Variants in TOP6BL observed in about 807,000 individuals in gnomAD.
TOP6BL encodes the protein type 2 DNA topoisomerase 6 subunit B-like.
At chr11:66,793,400 G>GTTAATTT in the TOP6BL span, among the ~76,000 whole-genome samples, 1 of 111,850 alleles carries the variant, frequency 8.9e-6, no homozygotes, top group African/African-American at 3.3e-5. Context: ...GCCCATTTTT[G>GTTAATTT]TTAATTTTTT....
the TOP6BL span, among the ~76,000 whole-genome samples, chr11:66,752,396 T>A: frequency 1.3e-5 from 2 of 152,202 alleles, no homozygotes; most frequent in African/African-American, 4.8e-5. Context: ...CTAAAAATCT[T>A]TCTGATTACT....
the TOP6BL span, among the ~76,000 whole-genome samples, chr11:66,814,660 G>A: frequency 2.0e-5 from 3 of 152,080 alleles, no homozygotes; most frequent in Non-Finnish European, 4.4e-5. Flanking sequence ...GATTTCTAAT[G>A]TACCTAATCT....
the TOP6BL span, among the ~76,000 whole-genome samples, chr11:66,774,790 C>T: frequency 2.0e-5 from 3 of 148,964 alleles, no homozygotes; most frequent in Non-Finnish European, 4.5e-5. Context: ...GTTTTTAAAA[C>T]CTTTACTCTT....
chr11:66,775,809 A>G, the TOP6BL span, among the ~76,000 whole-genome samples: 74 of 152,238 alleles, frequency 4.9e-4, 1 homozygote, highest in African/African-American at 1.8e-3. Flanking sequence ...TGGCATTCCT[A>G]TTTAGATCTT....
chr11:66,748,588 T>C, the TOP6BL span: 3 of 1,183,826 alleles, frequency 2.5e-6, no homozygotes, highest in Non-Finnish European at 3.5e-6. Flanking sequence ...TTTAAAAATT[T>C]CAATTAGAAT....
the TOP6BL span, among the ~76,000 whole-genome samples, chr11:66,812,468 G>A: frequency 6.6e-6 from 1 of 152,084 alleles, no homozygotes; most frequent in African/African-American, 2.4e-5. Flanking sequence ...GAGCCACCGC[G>A]CCTGGCCCTG....
chr11:66,820,462 A>C, the TOP6BL span, among the ~76,000 whole-genome samples: 7 of 152,216 alleles, frequency 4.6e-5, no homozygotes, highest in Non-Finnish European at 1.0e-4. Flanking sequence ...GGATCATTAA[A>C]TGGTGGCCTA....
chr11:66,838,336 A>C, the TOP6BL span: 1 of 1,601,572 alleles, frequency 6.2e-7, no homozygotes, highest in Admixed American at 1.7e-5. Flanking sequence ...TGTTTCTACA[A>C]AACTCACTTA....
At chr11:66,827,250 A>G in the TOP6BL span, among the ~76,000 whole-genome samples, 1 of 151,412 alleles carries the variant, frequency 6.6e-6, no homozygotes, top group Non-Finnish European at 1.5e-5. Context: ...GGGTTTCTCC[A>G]TGTTGGTCAG....
the TOP6BL span, among the ~76,000 whole-genome samples, chr11:66,751,992 A>AGT: frequency 6.6e-6 from 1 of 152,176 alleles, no homozygotes; most frequent in Non-Finnish European, 1.5e-5. Flanking sequence ...ACTCTTTTCC[A>AGT]GTGTATCCTG....
At chr11:66,757,503 TG>T in the TOP6BL span, among the ~76,000 whole-genome samples, 5 of 152,186 alleles carry the variant, frequency 3.3e-5, no homozygotes, top group Non-Finnish European at 7.3e-5. Flanking sequence ...ATGATGGAAA[TG>T]TTCTCTGTCT....
chr11:66,833,646 G>A, the TOP6BL span, among the ~76,000 whole-genome samples: 1 of 151,972 alleles, frequency 6.6e-6, no homozygotes, highest in African/African-American at 2.4e-5. Context: ...ATCCCAGTAA[G>A]ACCTAAAAAA....
At chr11:66,834,210 T>C in the TOP6BL span, among the ~76,000 whole-genome samples, 1 of 152,174 alleles carries the variant, frequency 6.6e-6, no homozygotes, top group Non-Finnish European at 1.5e-5. Flanking sequence ...ATTACAGAAC[T>C]TTCATAATTT....
At chr11:66,748,334 A>G in the TOP6BL span, 1 of 1,437,994 alleles carries the variant, frequency 7.0e-7, no homozygotes, top group Non-Finnish European at 9.4e-7. Context: ...TATTACTGTG[A>G]TTTCTAAAGA....
chr11:66,745,213 A>T, the TOP6BL span, among the ~76,000 whole-genome samples: 1 of 147,136 alleles, frequency 6.8e-6, no homozygotes, highest in African/African-American at 2.5e-5. Flanking sequence ...GCAGCCTCGG[A>T]GGTGCCTGCC....
the TOP6BL span, among the ~76,000 whole-genome samples, chr11:66,805,876 G>A: frequency 1.3e-5 from 2 of 152,220 alleles, no homozygotes; most frequent in African/African-American, 4.8e-5. Flanking sequence ...GAATTGTATG[G>A]TATGTGAATT....
chr11:66,749,155 T>G, the TOP6BL span, among the ~76,000 whole-genome samples: 1 of 152,090 alleles, frequency 6.6e-6, no homozygotes, highest in Non-Finnish European at 1.5e-5. Context: ...AAGTTGAGAT[T>G]GGATAGTGAA....
At chr11:66,775,249 T>C in the TOP6BL span, among the ~76,000 whole-genome samples, 1 of 152,212 alleles carries the variant, frequency 6.6e-6, no homozygotes, top group African/African-American at 2.4e-5. Flanking sequence ...TATCTTGTCA[T>C]TTATTTAGAT....
At chr11:66,759,098 T>C in the TOP6BL span, 1 of 1,531,966 alleles carries the variant, frequency 6.5e-7, no homozygotes. Flanking sequence ...TCCTAAAAGG[T>C]AAAGAATTAC....
Sources: allele counts gnomAD v4.1 joint callset (sites outside exome capture counted in the v4.1 genomes callset), GRCh38; gene constraint gnomAD v4.1.1; transcripts MANE v1.5; gene names NCBI Gene and HGNC (gene_info 2026-07-23, HGNC 2026-07-21).